Variants in LRRK1 observed in about 807,000 individuals in gnomAD.
The protein encoded by LRRK1 is leucine rich repeat kinase 1.
LRRK1 carries 113 observed loss-of-function variants against 209.1 expected under a neutral mutation model. That is an observed-to-expected ratio of 0.54 (90% CI 0.46 to 0.63). The LOEUF (loss-of-function observed/expected upper bound fraction) is 0.63, where lower values mean the gene tolerates loss of function less well. Among genes scored for constraint, LRRK1 ranks in the 30% least tolerant of loss-of-function variants. The probability of loss-of-function intolerance (pLI) is 0.00; values close to 1 mark genes in which losing one functional copy is unlikely to be tolerated. For missense variants in LRRK1, 2,284 were observed against 2,632.2 expected (o/e 0.87, Z 2.89); for synonymous variants, 1,144 against 1,099.7 (o/e 1.04, Z -0.80).
At chr15:100,957,236 C>G (rs1430372485) in intron 2 of LRRK1, among the ~76,000 whole-genome samples, 1 of 152,000 alleles carries the variant, frequency 6.6e-6, no homozygotes, top group African/African-American at 2.4e-5. Context: ...GGGGAATGTC[C>G]CACGTGTGCT....
chr15:101,006,732 C>T (rs2032975648), intron 6 of LRRK1, among the ~76,000 whole-genome samples: 1 of 152,032 alleles, frequency 6.6e-6, no homozygotes, highest in African/African-American at 2.4e-5. Flanking sequence ...ACATAAAAAG[C>T]GTGTGTATTT....
chr15:101,020,500 C>G (rs925910091), intron 12 of LRRK1, among the ~76,000 whole-genome samples: 1 of 151,804 alleles, frequency 6.6e-6, no homozygotes, highest in African/African-American at 2.4e-5. Context: ...TCAGCCCCCC[C>G]GAGTAGCTGG....
At chr15:101,045,160 C>G (rs2034995511) in intron 20 of LRRK1, among the ~76,000 whole-genome samples, 1 of 152,236 alleles carries the variant, frequency 6.6e-6, no homozygotes, top group Non-Finnish European at 1.5e-5. Flanking sequence ...AATTTTCTTA[C>G]AGTTTAGGGA....
chr15:101,062,537 A>C (rs1422258107), intron 30 of LRRK1, 37 bp from the exon 31 acceptor site: 2 of 1,415,864 alleles, frequency 1.4e-6, no homozygotes, highest in Non-Finnish European at 2.0e-6. Flanking sequence ...GACACTTTCC[A>C]GCCTGGGTCT....
intron 20 of LRRK1, among the ~76,000 whole-genome samples, chr15:101,036,987 C>G (rs2034517000): frequency 6.6e-6 from 1 of 152,144 alleles, no homozygotes; most frequent in Non-Finnish European, 1.5e-5. Flanking sequence ...GTCTTTGGGC[C>G]CCAGTGGTGG....
intron 2 of LRRK1, among the ~76,000 whole-genome samples, chr15:100,939,554 C>T (rs1278968746): frequency 1.3e-5 from 2 of 152,176 alleles, no homozygotes; most frequent in Non-Finnish European, 2.9e-5. Context: ...GTGGTGTCAG[C>T]GCAATCACTC....
chr15:101,066,571 A>G, intron 32 of LRRK1, 69 bp from the exon 33 acceptor site: 3 of 1,444,074 alleles, frequency 2.1e-6, no homozygotes, highest in Non-Finnish European at 2.9e-6. Flanking sequence ...CTTTCTGCAC[A>G]CCGGCTTCAC....
At chr15:101,014,758 TC>T (rs2033449191) in intron 11 of LRRK1, among the ~76,000 whole-genome samples, 1 of 152,200 alleles carries the variant, frequency 6.6e-6, no homozygotes, top group South Asian at 2.1e-4. Context: ...TTAGAGTCCA[TC>T]CTAATGACCT....
chr15:100,932,332 T>G (rs1197337240), intron 2 of LRRK1, among the ~76,000 whole-genome samples: 3 of 152,314 alleles, frequency 2.0e-5, no homozygotes, highest in African/African-American at 7.2e-5. Flanking sequence ...TGTATGGTTA[T>G]CTTTGTATAT....
At position 101,065,513 on chromosome 15, in the gene LRRK1, A is replaced by C. The variant is rs761013717; in HGVS notation, c.5076A>C (p.Pro1692=). Residue 1692 remains proline, a synonymous_variant, in exon 32 of 34, where the codon CCA becomes CCC. Transcript: ENST00000388948. ...ADEDARQNPY[P]VKAMEVVNSG... is the part of the protein sequence containing the mutation. The stretch of plus-strand genomic sequence containing the variant: ...AAGACGCACGGCAGAACCCCTACCC[A>C]GTGAAGGCCATGGAGGTGGTCAACA... 3 of 1,614,180 alleles carry C rather than the reference A, an allele frequency of 1.9e-6. No individual in the cohort carries two copies. Among genetic ancestry groups the C allele is most frequent in the South Asian group, 2.2e-5 (2 of 91,084 alleles).
intron 5 of LRRK1, 30 bp from the exon 6 acceptor site, chr15:100,989,220 G>T: frequency 1.3e-6 from 2 of 1,598,814 alleles, no homozygotes; most frequent in Non-Finnish European, 1.7e-6. Flanking sequence ...GCATCTGCAT[G>T]CCCTTAGCTT....
In LRRK1 at chr15:101,010,674, C is replaced by T. The variant is rs368813810; in HGVS notation, c.1118C>T (p.Ala373Val). ...TTTGGGTCTTTTTTTTTTTTTTTAGCCACTAACTGGATAGGTTTACGGAAG... is the reference window on the plus strand; with the variant it reads ...TTTGGGTCTTTTTTTTTTTTTTTAGTCACTAACTGGATAGGTTTACGGAAG... ...CLEKLFEEEN[A>V]TNWIGLRKLQ... is the part of the protein sequence containing the mutation. The change falls in exon 9 of 34, where the codon GCC (alanine) becomes GTC (valine). Residue 373 changes from alanine to valine, a missense_variant and splice_region_variant. Coordinates refer to ENST00000388948, the MANE Select transcript of LRRK1 (RefSeq NM_024652.6). 72 of 1,586,392 alleles carry T rather than the reference C, an allele frequency of 4.5e-5. No homozygotes were observed. Among genetic ancestry groups the T allele is most frequent in the Non-Finnish European group, 6.0e-5 (70 of 1,170,296 alleles).
At chr15:100,972,519 A>G (rs1036297461) in intron 2 of LRRK1, among the ~76,000 whole-genome samples, 5 of 152,080 alleles carry the variant, frequency 3.3e-5, no homozygotes, top group African/African-American at 1.2e-4. Flanking sequence ...GAGAGTTGGC[A>G]AGTTATGATG....
intron 26 of LRRK1, among the ~76,000 whole-genome samples, chr15:101,054,220 C>T (rs933630113): frequency 2.0e-5 from 3 of 152,202 alleles, no homozygotes; most frequent in Non-Finnish European, 4.4e-5. Context: ...TCGATCCCCC[C>T]ACTTTAGCCT....
chr15:100,955,270 G>A (rs2042730221), intron 2 of LRRK1, among the ~76,000 whole-genome samples: 2 of 151,980 alleles, frequency 1.3e-5, no homozygotes, highest in Admixed American at 6.6e-5. Flanking sequence ...ATTGTAAAAG[G>A]GATTGTTTTC....
chr15:100,998,198 A>G (rs1285388426), intron 6 of LRRK1, among the ~76,000 whole-genome samples: 7 of 151,066 alleles, frequency 4.6e-5, no homozygotes, highest in East Asian at 1.9e-4. Flanking sequence ...AAAAAAAAAG[A>G]AAGGAAGCCA....
At chr15:100,985,215 G>A (rs527581435) in intron 4 of LRRK1, among the ~76,000 whole-genome samples, 3 of 152,226 alleles carry the variant, frequency 2.0e-5, no homozygotes, top group East Asian at 3.9e-4. Flanking sequence ...ACTAAGACAA[G>A]ACATAGGAGG....
chr15:101,041,157 TGGTAATACTC>T (rs2034736699), intron 20 of LRRK1, among the ~76,000 whole-genome samples: 1 of 152,238 alleles, frequency 6.6e-6, no homozygotes, highest in Non-Finnish European at 1.5e-5. Flanking sequence ...TCTTTATCAC[TGGTAATACTC>T]CTTTTCTTGA....
In LRRK1 at chr15:101,057,042, C is replaced by A; in HGVS notation, c.4519C>A (p.Pro1507Thr). ...CATGATGGAGTGCTGGGACACTAAG[C>A]CAGAGAAGGTACTTGGGGACACAGA... ...ALMMECWDTK[P>T]EKRPLALSVV... Residue 1507 changes from proline to threonine, a missense_variant, in exon 28 of 34, where the codon CCA (proline) becomes ACA (threonine). Pro to Thr is a conservative substitution (Grantham distance 38). Coordinates refer to ENST00000388948, the MANE Select transcript of LRRK1 (RefSeq NM_024652.6). The A allele has an allele frequency of 6.2e-7, 1 of 1,606,224 alleles. No individual in the cohort carries two copies. Among genetic ancestry groups the A allele is most frequent in the Non-Finnish European group, 8.5e-7 (1 of 1,175,896 alleles).
Sources: allele counts gnomAD v4.1 joint callset (sites outside exome capture counted in the v4.1 genomes callset), GRCh38; gene constraint gnomAD v4.1.1; transcripts MANE v1.5; gene names NCBI Gene and HGNC (gene_info 2026-07-23, HGNC 2026-07-21).